The following PCDHA8 variants were observed in gnomAD, a reference collection of about 807,000 sequenced individuals.
The protein encoded by PCDHA8 is protocadherin alpha 8, also known as protocadherin alpha-8.
PCDHA8 carries 53 observed loss-of-function variants against 61.8 expected under a neutral mutation model. The ratio of observed to expected loss-of-function variants is 0.86; its 90% CI spans 0.69 to 1.08. The LOEUF (loss-of-function observed/expected upper bound fraction) is 1.08, where lower values mean the gene tolerates loss of function less well. Ranked by LOEUF, PCDHA8 falls within the 50% of genes least tolerant of loss-of-function variation. The pLI is 0.00. For synonymous variants in PCDHA8, 618 were observed against 556.6 expected (o/e 1.11, Z -1.55); for missense variants, 1,293 against 1,245.0 (o/e 1.04, Z -0.58).
At chr5:140,880,042 G>A (rs530262393) in intron 1 of PCDHA8, among the ~76,000 whole-genome samples, 3 of 152,208 alleles carry the variant, frequency 2.0e-5, no homozygotes, top group Non-Finnish European at 4.4e-5. Flanking sequence ...CAGGGATTAA[G>A]ATGTGGGCAT....
At chr5:140,965,238 A>T (rs540671197) in intron 1 of PCDHA8, among the ~76,000 whole-genome samples, 1 of 152,314 alleles carries the variant, frequency 6.6e-6, no homozygotes, top group African/African-American at 2.4e-5. Flanking sequence ...ACCTGGGAAG[A>T]GTGAATATTC....
rs552891884 is a variant in PCDHA8 at position 140,857,764 on chromosome 5, G to A, written c.2394+14049G>A. The A allele has an allele frequency of 3.8e-6, 6 of 1,597,520 alleles. 2 individuals carry two copies. In the African/African-American group the frequency reaches 5.4e-5, roughly 14 times the overall value. On this transcript the variant is annotated intron_variant, in intron 1 of 3. Coordinates refer to ENST00000531613, the MANE Select transcript of PCDHA8 (RefSeq NM_018911.3). ...TGCTGGCGTCTCCCGCTGGCAGCGC[G>A]GGCGGTGCAGTCAGTGAGCTGGTGC...
chr5:140,876,283 G>T, intron 1 of PCDHA8: 1 of 1,614,056 alleles, frequency 6.2e-7, no homozygotes, highest in Non-Finnish European at 8.5e-7. Context: ...CGATCCAGAC[G>T]AAGGACTTAA....
At chr5:140,885,453 C>T (rs1269332427) in intron 1 of PCDHA8, among the ~76,000 whole-genome samples, 3 of 152,100 alleles carry the variant, frequency 2.0e-5, no homozygotes, top group African/African-American at 7.2e-5. Flanking sequence ...ATATTATTTA[C>T]CTAATGATGG....
chr5:140,884,383 C>T lies in PCDHA8; in HGVS notation c.2394+40668C>T, dbSNP rs185410866. The T allele has an allele frequency of 5.2e-5, 84 of 1,613,994 alleles. No homozygotes were observed. In the Admixed American group the frequency reaches 1.4e-3, roughly 27 times the overall value. ...ATGTTTACTTGATCATTGCCATCTG[C>T]GCGGTGTCCAGCCTGTTGGTGCTCA... On this transcript the variant is annotated intron_variant, in intron 1 of 3. Transcript: ENST00000531613.
Position 140,853,221 on chromosome 5 carries a change from G to A in PCDHA8, c.2394+9506G>A, listed in dbSNP as rs1021063668. 12 of 983,626 alleles carry A rather than the reference G, an allele frequency of 1.2e-5. 1 individual carries two copies. The highest frequency in any genetic ancestry group is 1.5e-5 in the Non-Finnish European group (12 of 816,248). The allele number at this position is 983,626 out of a possible 1,614,324, so 60.9% of individuals were successfully genotyped here. A position where few individuals can be genotyped will look rare whatever the true frequency, so the allele number is the denominator to read the frequency against. On this transcript the variant is annotated intron_variant, in intron 1 of 3. Transcript: ENST00000531613. ...TATTGACGGCTGTATTGATGGGATT[G>A]GTAATTTAGTCCTTCATATTAATCT...
At chr5:140,871,609 A>G (rs1554165776) in intron 1 of PCDHA8, 1 of 1,428,296 alleles carries the variant, frequency 7.0e-7, no homozygotes, top group East Asian at 2.5e-5. Flanking sequence ...TGTTTTGAAT[A>G]TTGTTTTAGA....
chr5:140,855,994 G>A (rs941733432), intron 1 of PCDHA8: 1 of 1,498,182 alleles, frequency 6.7e-7, no homozygotes, highest in Non-Finnish European at 9.0e-7. Flanking sequence ...ATGTCAGATC[G>A]TATGTGCGTT....
chr5:140,849,881 G>T, intron 1 of PCDHA8: 1 of 1,598,596 alleles, frequency 6.3e-7, no homozygotes, highest in Non-Finnish European at 8.6e-7. Flanking sequence ...AGTACACGGT[G>T]TTCGTGAAGG....
chr5:140,977,518 G>C (rs1328241179), intron 1 of PCDHA8, among the ~76,000 whole-genome samples: 5 of 152,166 alleles, frequency 3.3e-5, no homozygotes, highest in African/African-American at 7.2e-5. Context: ...TTGTGAACTT[G>C]AAAACAAAGG....
At chr5:140,894,405 CT>C (rs1198263353) in intron 1 of PCDHA8, among the ~76,000 whole-genome samples, 2 of 151,926 alleles carry the variant, frequency 1.3e-5, no homozygotes, top group African/African-American at 4.8e-5. Context: ...CTTTGCTTTT[CT>C]TTTGTAGCTA....
At position 140,847,060 on chromosome 5, in the gene PCDHA8, C is replaced by T. The variant is rs1457152734; in HGVS notation, c.2394+3345C>T. ...TAAGGAAAGTTGAAGACACAGAAAG[C>T]ATCAATATGACAAGTAGAAAAGTCC... On this transcript the variant is annotated intron_variant, in intron 1 of 3. Coordinates refer to ENST00000531613, the MANE Select transcript of PCDHA8 (RefSeq NM_018911.3). 1.3e-5 allele frequency among the ~76,000 whole-genome samples: 2 copies of T among 149,600 alleles called. 1 individual carries two copies. Among genetic ancestry groups the T allele is most frequent in the Non-Finnish European group, 3.0e-5 (2 of 66,898 alleles).
chr5:140,924,293 C>T (rs2081770008), intron 1 of PCDHA8, among the ~76,000 whole-genome samples: 1 of 152,192 alleles, frequency 6.6e-6, no homozygotes, highest in African/African-American at 2.4e-5. Context: ...AATAGGCTGA[C>T]ATGTTTCCTC....
chr5:140,853,384 C>G, intron 1 of PCDHA8: 1 of 985,584 alleles, frequency 1.0e-6, no homozygotes, highest in African/African-American at 1.8e-5. Context: ...AAATTCAAAA[C>G]AGCCTGTCAA....
At chr5:140,872,058 C>T (rs2053466493) in intron 1 of PCDHA8, among the ~76,000 whole-genome samples, 1 of 152,212 alleles carries the variant, frequency 6.6e-6, no homozygotes, top group African/African-American at 2.4e-5. Flanking sequence ...CTTCAGCCTC[C>T]AGAGTAGCTG....
intron 1 of PCDHA8, chr5:140,856,228 G>A: frequency 6.3e-7 from 1 of 1,598,094 alleles, no homozygotes; most frequent in Middle Eastern, 1.7e-4. Context: ...AGCTGGTGCA[G>A]CGCCTGTTCC....
intron 1 of PCDHA8, chr5:140,848,467 A>C: frequency 6.5e-7 from 1 of 1,545,570 alleles, no homozygotes; most frequent in Non-Finnish European, 8.8e-7. Context: ...GGCAATTTTC[A>C]CTAATTAGAA....
At chr5:140,959,754 T>C (rs1265254392) in intron 1 of PCDHA8, among the ~76,000 whole-genome samples, 1 of 152,222 alleles carries the variant, frequency 6.6e-6, no homozygotes, top group East Asian at 1.9e-4. Flanking sequence ...TAAAGTATAT[T>C]TTAATATTCA....
intron 1 of PCDHA8, chr5:140,877,161 G>A: frequency 6.2e-7 from 1 of 1,613,828 alleles, no homozygotes; most frequent in South Asian, 1.1e-5. Context: ...ACAACGCGCC[G>A]GCACTGCTGG....
Sources: gnomAD v4.1 joint callset for allele counts (sites outside exome capture counted in the v4.1 genomes callset) on GRCh38, gnomAD v4.1.1 for gene constraint, MANE v1.5 for transcripts, NCBI Gene and HGNC (gene_info 2026-07-23, HGNC 2026-07-21) for gene names.